Variants in LUZP2 observed in about 807,000 individuals in gnomAD.
LUZP2 encodes the protein leucine zipper protein 2.
Under a neutral mutation model 51.6 loss-of-function variants are expected in LUZP2, and 52 were observed. That is an observed-to-expected ratio of 1.01 (90% CI 0.81 to 1.27). The LOEUF (loss-of-function observed/expected upper bound fraction) is 1.27, where lower values mean the gene tolerates loss of function less well. LUZP2 is among the 50% of genes most tolerant of loss of function. The pLI is 0.00. For missense variants in LUZP2, 436 were observed against 395.4 expected (o/e 1.10, Z -0.87); for synonymous variants, 154 against 137.3 (o/e 1.12, Z -0.85).
Position 24,969,196 on chromosome 11 carries a change from G to T in LUZP2, c.523-7395G>T, listed in dbSNP as rs574711163. Among the ~76,000 whole-genome samples, 8 of 152,080 alleles carry T rather than the reference G, an allele frequency of 5.3e-5. No individual in the cohort carries two copies. In the East Asian group the frequency reaches 1.6e-3, roughly 29 times the overall value. Reference sequence around the variant, plus strand: ...ACTCAAGTAGACTCTAGTGTCTGTTGTTTCCTTCTTTGTGTTCCTATGTTC... The same window carrying T: ...ACTCAAGTAGACTCTAGTGTCTGTTTTTTCCTTCTTTGTGTTCCTATGTTC... On this transcript the variant is annotated intron_variant, in intron 7 of 11. Coordinates refer to ENST00000336930, the MANE Select transcript of LUZP2 (RefSeq NM_001009909.4).
chr11:25,007,033 CA>C (rs1282215558), intron 9 of LUZP2, among the ~76,000 whole-genome samples: 1 of 152,106 alleles, frequency 6.6e-6, no homozygotes, highest in Non-Finnish European at 1.5e-5. Flanking sequence ...TCTGTTTTTA[CA>C]GAGTGCTTAT....
At chr11:24,923,127 C>T (rs1854122903) in intron 7 of LUZP2, among the ~76,000 whole-genome samples, 1 of 151,752 alleles carries the variant, frequency 6.6e-6, no homozygotes, top group Admixed American at 6.6e-5. Flanking sequence ...GGATGACCGG[C>T]GTGAGCCACC....
chr11:24,733,833 G>A (rs951445912), intron 3 of LUZP2, among the ~76,000 whole-genome samples: 65 of 151,702 alleles, frequency 4.3e-4, no homozygotes, highest in Middle Eastern at 3.4e-3. Flanking sequence ...GTTAGGAATG[G>A]AGAATAAACA....
intron 5 of LUZP2, among the ~76,000 whole-genome samples, chr11:24,844,982 A>G (rs774330591): frequency 3.7e-4 from 17 of 46,120 alleles, no homozygotes; most frequent in Non-Finnish European, 6.6e-4. Context: ...AGGAAGGGGA[A>G]TGTGGGGCCA....
intron 1 of LUZP2, among the ~76,000 whole-genome samples, chr11:24,698,787 G>C (rs747655560): frequency 2.0e-5 from 3 of 152,014 alleles, no homozygotes; most frequent in Non-Finnish European, 4.4e-5. Flanking sequence ...ATCCAGGCCA[G>C]GCTCACACTT....
At chr11:24,557,551 G>A (rs184027855) in intron 1 of LUZP2, among the ~76,000 whole-genome samples, 1 of 152,216 alleles carries the variant, frequency 6.6e-6, no homozygotes, top group East Asian at 1.9e-4. Flanking sequence ...GCAAGGGAAA[G>A]AGTCATTTTG....
chr11:24,862,481 G>C (rs947391829), intron 5 of LUZP2, among the ~76,000 whole-genome samples: 4 of 152,126 alleles, frequency 2.6e-5, no homozygotes, highest in African/African-American at 9.7e-5. Context: ...TATGAAGAAA[G>C]TGCATCAACT....
intron 1 of LUZP2, among the ~76,000 whole-genome samples, chr11:24,678,957 T>C (rs1856650700): frequency 6.6e-6 from 1 of 152,252 alleles, no homozygotes. Flanking sequence ...CCTTGGCATT[T>C]AGACTAAGTG....
chr11:25,015,467 T>G (rs937615538), intron 9 of LUZP2, among the ~76,000 whole-genome samples: 3 of 152,186 alleles, frequency 2.0e-5, no homozygotes, highest in African/African-American at 7.2e-5. Flanking sequence ...GATTCCACAT[T>G]GTGTTAAGTC....
At position 24,875,848 on chromosome 11, in the gene LUZP2, A is replaced by G. The variant is rs1258227256; in HGVS notation, c.397-30143A>G. On this transcript the variant is annotated intron_variant, in intron 5 of 11. Transcript: ENST00000336930. ...TGGTTTTGATTTGCATTTCTCTGATAGCCAGTGATGGTGAGCATTTTTTCA... is the reference window on the plus strand; with the variant it reads ...TGGTTTTGATTTGCATTTCTCTGATGGCCAGTGATGGTGAGCATTTTTTCA... Among the ~76,000 whole-genome samples, 42 of 152,100 alleles carry G rather than the reference A, an allele frequency of 2.8e-4. No individual in the cohort carries two copies. In the East Asian group the frequency reaches 5.6e-3, roughly 20 times the overall value.
At chr11:24,917,189 T>G (rs577000189) in intron 7 of LUZP2, among the ~76,000 whole-genome samples, 14 of 152,190 alleles carry the variant, frequency 9.2e-5, no homozygotes, top group Non-Finnish European at 1.5e-4. Context: ...TGTTTGTTTT[T>G]TTCTTGTAAA....
chr11:24,947,437 A>G lies in LUZP2; in HGVS notation c.523-29154A>G, dbSNP rs78438367. On this transcript the variant is annotated intron_variant, in intron 7 of 11. Transcript: ENST00000336930. The stretch of plus-strand genomic sequence containing the variant: ...ACTGAATAGCTTACACTAGAAAAAT[A>G]TCCACATAGAAGTGGACCTGTGAAG... Among the ~76,000 whole-genome samples the G allele has an allele frequency of 8.5e-3, 1,293 of 152,020 alleles. 15 individuals carry two copies. Among genetic ancestry groups the G allele is most frequent in the South Asian group, 0.046 (219 of 4,812 alleles).
chr11:24,997,127 T>G (rs938244264), intron 9 of LUZP2, among the ~76,000 whole-genome samples: 7 of 150,524 alleles, frequency 4.7e-5, no homozygotes, highest in Admixed American at 2.7e-4. Flanking sequence ...CCTTTGGGTA[T>G]ATACCCAGTA....
chr11:24,671,939 T>C (rs1240660389), intron 1 of LUZP2, among the ~76,000 whole-genome samples: 1 of 152,032 alleles, frequency 6.6e-6, no homozygotes, highest in African/African-American at 2.4e-5. Flanking sequence ...TTGCTCTCAG[T>C]AGGAAAAAAA....
intron 5 of LUZP2, among the ~76,000 whole-genome samples, chr11:24,784,273 CTT>C (rs1849175642): frequency 6.6e-6 from 1 of 151,414 alleles, no homozygotes; most frequent in African/African-American, 2.4e-5. Context: ...AAGCTTAGAT[CTT>C]TTTATTTTTT....
At chr11:25,057,999 T>C (rs1858736077) in intron 10 of LUZP2, among the ~76,000 whole-genome samples, 1 of 151,746 alleles carries the variant, frequency 6.6e-6, no homozygotes, top group South Asian at 2.1e-4. Context: ...GGATGAGTTG[T>C]TGGTAGATCC....
intron 1 of LUZP2, among the ~76,000 whole-genome samples, chr11:24,665,100 C>A (rs1856169814): frequency 1.3e-5 from 2 of 152,150 alleles, no homozygotes; most frequent in Admixed American, 6.5e-5. Flanking sequence ...AGCCACAGGG[C>A]AGAGCTGCTC....
chr11:25,046,373 T>A (rs1858308995), intron 9 of LUZP2, among the ~76,000 whole-genome samples: 1 of 152,122 alleles, frequency 6.6e-6, no homozygotes, highest in Non-Finnish European at 1.5e-5. Flanking sequence ...AGCGGATGCA[T>A]AATAAATATT....
At chr11:24,850,605 C>T (rs1394027882) in intron 5 of LUZP2, among the ~76,000 whole-genome samples, 4 of 152,032 alleles carry the variant, frequency 2.6e-5, no homozygotes, top group Non-Finnish European at 5.9e-5. Context: ...GTGATATGGG[C>T]TCTTTTTTAT....
Sources: allele counts gnomAD v4.1 joint callset (sites outside exome capture counted in the v4.1 genomes callset), GRCh38; gene constraint gnomAD v4.1.1; transcripts MANE v1.5; gene names NCBI Gene and HGNC (gene_info 2026-07-23, HGNC 2026-07-21).